Variants in CSF2RA observed in about 807,000 individuals in gnomAD.
The protein encoded by CSF2RA is granulocyte-macrophage colony-stimulating factor receptor subunit alpha.
CSF2RA carries 42 observed loss-of-function variants against 51.6 expected under a neutral mutation model. The ratio of observed to expected loss-of-function variants is 0.81; its 90% CI spans 0.64 to 1.05. The LOEUF (loss-of-function observed/expected upper bound fraction) is 1.05. Among genes scored for constraint, CSF2RA ranks in the 50% least tolerant of loss-of-function variants. The pLI is 0.00. For missense variants in CSF2RA, 530 were observed against 501.1 expected, an observed-to-expected ratio of 1.06 and a Z score of -0.55; for synonymous variants, 222 against 193.0, an observed-to-expected ratio of 1.15 and a Z score of -1.24.
chrX:1,286,724 C>G (rs1214100150), intron 4 of CSF2RA, among the ~76,000 whole-genome samples: 1 of 152,188 alleles, frequency 6.6e-6, no homozygotes, highest in Non-Finnish European at 1.5e-5. Flanking sequence ...TGTACCAGAG[C>G]CTGATTCCCT....
Position 1,287,874 on chromosome X carries a change from T to C in CSF2RA, c.220-645T>C, listed in dbSNP as rs1337281680. Among the ~76,000 whole-genome samples, 27 of 137,548 alleles carry C rather than the reference T, an allele frequency of 2.0e-4. 1 individual carries two copies. Among genetic ancestry groups the C allele is most frequent in the African/African-American group, 7.1e-4 (26 of 36,366 alleles). The allele number at this position is 137,548 out of a possible 152,430, so 90.2% of individuals were successfully genotyped here. ...GCCTCAGCCTCCCGAGTAGCAGGGA[T>C]TACAGGTGCCTGCCACCACACCTGG... On this transcript the variant is annotated intron_variant, in intron 4 of 12. Coordinates refer to ENST00000381529, the MANE Select transcript of CSF2RA (RefSeq NM_172245.4).
At chrX:1,281,112 TCTCCTCCTCCTCCTC>T (rs771038360) in intron 2 of CSF2RA, among the ~76,000 whole-genome samples, 2 of 25,070 alleles carry the variant, frequency 8.0e-5, no homozygotes, top group Non-Finnish European at 1.4e-4. Context: ...TCCTCCTCCT[TCTCCTCCTCCTCCTC>T]CTCCTGCTCC....
downstream of CSF2RA, among the ~76,000 whole-genome samples, chrX:1,314,219 C>T (rs35070456): frequency 0.052 from 2,476 of 47,978 alleles, 63 homozygotes; most frequent in South Asian, 0.081. Context: ...TGCACCTGCC[C>T]AACCCCACTG....
chrX:1,274,842 G>A (rs1382702334), intron 2 of CSF2RA, 24 bp downstream of exon 2: 4 of 453,376 alleles, frequency 8.8e-6, no homozygotes, highest in African/African-American at 6.0e-5. Flanking sequence ...TCGGCCTGTC[G>A]GTAATGTGGT....
At position 1,295,348 on chromosome X, in the gene CSF2RA, G is replaced by C. The variant is rs1167522719; in HGVS notation, c.781-79G>C. The C allele has an allele frequency of 1.9e-6, 3 of 1,572,532 alleles. No individual in the cohort carries two copies. The African/African-American group carries it at 4.1e-5, about 21-fold the overall frequency. On this transcript the variant is annotated intron_variant, in intron 8 of 12. Coordinates refer to ENST00000381529, the MANE Select transcript of CSF2RA (RefSeq NM_172245.4). ...CTTCCCATTCGGTGCCCACACCAGG[G>C]GAGACACTGTGTGAACCATCTACAG...
downstream of CSF2RA, among the ~76,000 whole-genome samples, chrX:1,314,553 C>T (rs781028801): frequency 4.0e-3 from 360 of 89,740 alleles, 12 homozygotes; most frequent in African/African-American, 8.5e-3. Context: ...AATCCCACTG[C>T]ACCTGCCCAA....
chrX:1,276,169 T>TTTTG lies in CSF2RA; in HGVS notation c.-27+1383_-27+1386dup, dbSNP rs761009311. 3.5e-3 allele frequency among the ~76,000 whole-genome samples: 512 copies of TTTTG among 146,176 alleles called. 3 individuals carry two copies. Among genetic ancestry groups the TTTTG allele is most frequent in the East Asian group, 0.016 (74 of 4,764 alleles). On this transcript the variant is annotated intron_variant, in intron 2 of 12. Transcript: ENST00000381529. The stretch of plus-strand genomic sequence containing the variant: ...AGGTACGCCACCACGCCTGGCTAAA[T>TTTTG]TTTGTTTGTTTGTTTGTTTGTTTGT...
At chrX:1,285,513 G>A (rs1296219068) in intron 3 of CSF2RA, 1 of 499,560 alleles carries the variant, frequency 2.0e-6, no homozygotes. Context: ...GACCAACATG[G>A]TGAAACCCCC....
At chrX:1,314,981 A>ACCCCAC (rs1569515172), downstream of CSF2RA, among the ~76,000 whole-genome samples, 12 of 112,600 alleles carry the variant, frequency 1.1e-4, no homozygotes, top group South Asian at 1.6e-3. Context: ...TGCCTGCCCA[A>ACCCCAC]TCGCACTGCA....
At chrX:1,296,286 CT>C (rs1442136741) in intron 9 of CSF2RA, among the ~76,000 whole-genome samples, 1 of 149,200 alleles carries the variant, frequency 6.7e-6, no homozygotes, top group Non-Finnish European at 1.5e-5. Context: ...CCCATGACCC[CT>C]GGCGGAACTG....
chrX:1,294,609 C>T (rs1227109306), intron 8 of CSF2RA, 148 bp downstream of exon 8: 6 of 1,050,850 alleles, frequency 5.7e-6, no homozygotes, highest in African/African-American at 3.1e-5. Context: ...CTTCGGGTAG[C>T]GGAGGAAGAG....
At chrX:1,293,734 A>C (rs1486161404) in intron 7 of CSF2RA, among the ~76,000 whole-genome samples, 2 of 150,150 alleles carry the variant, frequency 1.3e-5, no homozygotes, top group Non-Finnish European at 3.0e-5. Flanking sequence ...GTAGACAAAG[A>C]GGTGTCCCTA....
At chrX:1,281,826 T>A (rs1457801848) in intron 2 of CSF2RA, 1 of 148,672 alleles carries the variant, frequency 6.7e-6, no homozygotes, top group African/African-American at 2.5e-5. Context: ...TCACCCTTTT[T>A]TTCTTCCTCT....
downstream of CSF2RA, among the ~76,000 whole-genome samples, chrX:1,311,258 A>G (rs751866797): frequency 1.5e-4 from 22 of 151,474 alleles, no homozygotes; most frequent in African/African-American, 5.1e-4. Context: ...CCAAAAAAAA[A>G]AAAGGTAAAA....
downstream of CSF2RA, among the ~76,000 whole-genome samples, chrX:1,314,864 C>T (rs765394459): frequency 4.3e-5 from 4 of 93,840 alleles, no homozygotes; most frequent in Admixed American, 4.4e-4. Flanking sequence ...CTGCACCTGC[C>T]CAACCGCACT....
At position 1,285,845 on chromosome X, in the gene CSF2RA, C is replaced by G. The variant is rs762604364; in HGVS notation, c.144C>G (p.Ser48Arg). 28 of 1,613,600 alleles carry G rather than the reference C, an allele frequency of 1.7e-5. No individual in the cohort carries two copies. The highest frequency in any genetic ancestry group is 3.3e-5 in the Admixed American group (2 of 59,944). The change falls in exon 4 of 13, where the codon AGC (serine) becomes AGG (arginine). Residue 48 changes from serine (S) to arginine (R), a missense_variant. Coordinates refer to ENST00000381529, the MANE Select transcript of CSF2RA (RefSeq NM_172245.4). ...VRFDSRTMNL[S>R]WDCQENTTFS... is the part of the protein sequence containing the mutation. ...TTGACTCCAGGACGATGAATTTAAG[C>G]TGGGACTGCCAAGAAAACACAACCT...
At chrX:1,300,113 G>T (rs1184100081) in intron 9 of CSF2RA, 1 of 194,676 alleles carries the variant, frequency 5.1e-6, no homozygotes, top group Non-Finnish European at 1.1e-5. Flanking sequence ...CAACTACTGG[G>T]GAGGCTGAGG....
At chrX:1,291,281 T>C (rs1487897262) in intron 7 of CSF2RA, among the ~76,000 whole-genome samples, 2 of 59,386 alleles carry the variant, frequency 3.4e-5, no homozygotes, top group Admixed American at 1.5e-4. Flanking sequence ...TCTTCTTTTT[T>C]CTTCCTTCCT....
intron 9 of CSF2RA, 96 bp downstream of exon 9, chrX:1,295,552 GACCCC>G: frequency 3.4e-6 from 3 of 883,970 alleles, no homozygotes; most frequent in South Asian, 1.5e-5. Context: ...CCCTACTCAT[GACCCC>G]TACAGTCCCC....
Sources: allele counts gnomAD v4.1 joint callset (sites outside exome capture counted in the v4.1 genomes callset), GRCh38; gene constraint gnomAD v4.1.1; transcripts MANE v1.5; gene names NCBI Gene and HGNC (gene_info 2026-07-23, HGNC 2026-07-21).